Variants in RALYL observed in about 807,000 individuals in gnomAD.
RALYL encodes RALY RNA binding protein like, also known as RNA-binding Raly-like protein.
In RALYL, 29 loss-of-function variants were observed where a neutral mutation model predicts 35.1. That is an observed-to-expected ratio of 0.83 (90% CI 0.61 to 1.13). The LOEUF is 1.13. RALYL is among the 50% of genes most tolerant of loss of function. The probability of loss-of-function intolerance (pLI) is 0.00; values close to 1 mark genes in which losing one functional copy is unlikely to be tolerated. For synonymous variants in RALYL, 120 were observed against 127.6 expected (o/e 0.94, Z 0.40); for missense variants, 359 against 360.4 (o/e 1.00, Z 0.03).
chr8:84,793,800 G>C (rs1381534573), intron 3 of RALYL, among the ~76,000 whole-genome samples: 1 of 152,182 alleles, frequency 6.6e-6, no homozygotes, highest in Non-Finnish European at 1.5e-5. Flanking sequence ...GGGTCCAGGG[G>C]AGGGTGGGAA....
At chr8:84,343,337 C>T (rs1290657735) in intron 1 of RALYL, among the ~76,000 whole-genome samples, 1 of 152,090 alleles carries the variant, frequency 6.6e-6, no homozygotes, top group African/African-American at 2.4e-5. Context: ...TCGGATACAT[C>T]CTCCTTGCAC....
intron 2 of RALYL, among the ~76,000 whole-genome samples, chr8:84,595,770 T>G (rs548332769): frequency 6.9e-6 from 1 of 145,216 alleles, no homozygotes; most frequent in East Asian, 1.9e-4. Flanking sequence ...TAAGTTTTTT[T>G]TTTTTTTTTT....
chr8:84,389,224 C>T (rs1468651525), intron 1 of RALYL, among the ~76,000 whole-genome samples: 4 of 152,078 alleles, frequency 2.6e-5, no homozygotes, highest in African/African-American at 9.7e-5. Flanking sequence ...GTATCAGTAC[C>T]ATGCTGTTTT....
At chr8:84,360,764 G>A (rs1156681475) in intron 1 of RALYL, among the ~76,000 whole-genome samples, 1 of 152,068 alleles carries the variant, frequency 6.6e-6, no homozygotes, top group Non-Finnish European at 1.5e-5. Context: ...TATGCCTGCA[G>A]GCATTGAGTG....
chr8:84,765,024 T>C (rs1456902322), intron 2 of RALYL, among the ~76,000 whole-genome samples: 1 of 152,226 alleles, frequency 6.6e-6, no homozygotes, highest in East Asian at 1.9e-4. Context: ...TTTTGTTTTG[T>C]TTCCTCAGAG....
intron 8 of RALYL, among the ~76,000 whole-genome samples, chr8:84,911,479 A>G (rs1405066263): frequency 6.6e-6 from 1 of 152,104 alleles, no homozygotes; most frequent in East Asian, 1.9e-4. Context: ...AAATATACTG[A>G]TATCTTCTAT....
At chr8:84,455,870 G>A (rs1289838509) in intron 1 of RALYL, among the ~76,000 whole-genome samples, 1 of 151,874 alleles carries the variant, frequency 6.6e-6, no homozygotes, top group African/African-American at 2.4e-5. Flanking sequence ...TTAAACATGG[G>A]CAGTTCATCT....
intron 1 of RALYL, among the ~76,000 whole-genome samples, chr8:84,494,908 G>T (rs1225463372): frequency 6.6e-6 from 1 of 151,906 alleles, no homozygotes; most frequent in Non-Finnish European, 1.5e-5. Context: ...TTGACTGATT[G>T]CCCTGGCCAG....
At chr8:84,411,716 ATTTGTTTAAATAC>A (rs1661825176) in intron 1 of RALYL, among the ~76,000 whole-genome samples, 2 of 151,976 alleles carry the variant, frequency 1.3e-5, no homozygotes, top group African/African-American at 4.8e-5. Context: ...ACCATTGATT[ATTTGTTTAAATAC>A]TTTTATTTCA....
intron 1 of RALYL, among the ~76,000 whole-genome samples, chr8:84,281,668 A>T (rs1258392027): frequency 6.6e-6 from 1 of 152,050 alleles, no homozygotes; most frequent in Admixed American, 6.6e-5. Flanking sequence ...TCCTTCTTTA[A>T]TCTACTCACC....
chr8:84,315,879 A>G (rs1843671888), intron 1 of RALYL, among the ~76,000 whole-genome samples: 1 of 151,982 alleles, frequency 6.6e-6, no homozygotes, highest in South Asian at 2.1e-4. Flanking sequence ...TGAACATCTT[A>G]TTGAATTTTT....
chr8:84,471,756 T>G (rs711021), intron 1 of RALYL, among the ~76,000 whole-genome samples: 1 of 152,008 alleles, frequency 6.6e-6, no homozygotes, highest in African/African-American at 2.4e-5. Context: ...ACATTGGGTA[T>G]GTCATGTTCT....
At chr8:84,912,998 G>A (rs1302104318) in intron 8 of RALYL, among the ~76,000 whole-genome samples, 1 of 124,460 alleles carries the variant, frequency 8.0e-6, no homozygotes, top group East Asian at 2.8e-4. Context: ...ATGGATGGAT[G>A]GATGGATGGA....
chr8:84,912,441 A>C (rs1002864316), intron 8 of RALYL, among the ~76,000 whole-genome samples: 3 of 152,074 alleles, frequency 2.0e-5, no homozygotes, highest in Non-Finnish European at 4.4e-5. Flanking sequence ...CCCCCTTAAA[A>C]AGGTCAATAA....
chr8:84,559,764 G>T (rs893127636), intron 2 of RALYL, among the ~76,000 whole-genome samples: 2 of 151,956 alleles, frequency 1.3e-5, no homozygotes, highest in African/African-American at 4.8e-5. Context: ...GACATCTCAG[G>T]ATATGACCAA....
intron 2 of RALYL, among the ~76,000 whole-genome samples, chr8:84,613,472 A>C (rs1263223388): frequency 1.3e-5 from 2 of 151,512 alleles, no homozygotes; most frequent in East Asian, 3.9e-4. Context: ...AGACACTGAC[A>C]CAGGTACCTC....
intron 1 of RALYL, among the ~76,000 whole-genome samples, chr8:84,448,120 A>AT (rs2049046277): frequency 6.6e-6 from 1 of 152,020 alleles, no homozygotes; most frequent in Non-Finnish European, 1.5e-5. Flanking sequence ...TTTCTGTTAA[A>AT]TTACTGGTAA....
chr8:84,228,176 A>G (rs1424102608), intron 1 of RALYL, among the ~76,000 whole-genome samples: 2 of 138,580 alleles, frequency 1.4e-5, no homozygotes, highest in Non-Finnish European at 3.1e-5. Flanking sequence ...AAAAAAAAAA[A>G]TGTGATTGTG....
intron 1 of RALYL, among the ~76,000 whole-genome samples, chr8:84,344,645 T>G (rs574879071): frequency 6.6e-6 from 1 of 152,228 alleles, no homozygotes; most frequent in South Asian, 2.1e-4. Context: ...TCTATCATCT[T>G]AAATATTAAT....
Sources: allele counts gnomAD v4.1 joint callset (sites outside exome capture counted in the v4.1 genomes callset), GRCh38; gene constraint gnomAD v4.1.1; transcripts MANE v1.5; gene names NCBI Gene and HGNC (gene_info 2026-07-23, HGNC 2026-07-21).